Variants in RBMS3 observed in about 807,000 individuals in gnomAD.
RBMS3 encodes RNA-binding motif, single-stranded-interacting protein 3.
A neutral mutation model predicts 66.8 loss-of-function variants in RBMS3; 27 were observed. That is an observed-to-expected ratio of 0.40 (90% CI 0.30 to 0.56). The LOEUF (loss-of-function observed/expected upper bound fraction) is 0.56. Among genes scored for constraint, RBMS3 ranks in the 20% least tolerant of loss-of-function variants. The pLI, the probability that RBMS3 is intolerant of heterozygous loss-of-function variation, is 0.40. For synonymous variants in RBMS3, 188 were observed against 183.0 expected (o/e 1.03, Z -0.22); for missense variants, 513 against 549.5 (o/e 0.93, Z 0.66).
intron 1 of RBMS3, among the ~76,000 whole-genome samples, chr3:29,388,811 G>A (rs987199752): frequency 9.2e-5 from 14 of 152,110 alleles, no homozygotes; most frequent in African/African-American, 2.9e-4. Context: ...TGATCCGCCC[G>A]CCTTGGCCTC....
chr3:29,763,579 G>A (rs1160173997), intron 6 of RBMS3, among the ~76,000 whole-genome samples: 1 of 151,938 alleles, frequency 6.6e-6, no homozygotes, highest in East Asian at 1.9e-4. Context: ...CTATCCCAGG[G>A]CATTTCACAC....
At chr3:29,529,769 A>T (rs1419005250) in intron 3 of RBMS3, among the ~76,000 whole-genome samples, 2 of 152,202 alleles carry the variant, frequency 1.3e-5, no homozygotes, top group African/African-American at 2.4e-5. Flanking sequence ...TATTCTGTGA[A>T]CTGGAAGCAA....
At chr3:29,783,931 A>G (rs2149414559) in intron 6 of RBMS3, among the ~76,000 whole-genome samples, 1 of 152,302 alleles carries the variant, frequency 6.6e-6, no homozygotes, top group Middle Eastern at 3.4e-3. Context: ...TTAAAGCAGC[A>G]GCAGTTAAAA....
At chr3:29,688,377 G>A (rs2051827002) in intron 4 of RBMS3, among the ~76,000 whole-genome samples, 2 of 151,948 alleles carry the variant, frequency 1.3e-5, no homozygotes, top group African/African-American at 4.8e-5. Context: ...TTAGAAGAGG[G>A]CAAAGACAGG....
intron 5 of RBMS3, among the ~76,000 whole-genome samples, chr3:29,751,294 C>A (rs1203039346): frequency 6.6e-6 from 1 of 152,034 alleles, no homozygotes; most frequent in Admixed American, 6.6e-5. Context: ...ACATTATGAC[C>A]AAATCTGTCC....
intron 6 of RBMS3, among the ~76,000 whole-genome samples, chr3:29,862,219 G>C (rs2059233131): frequency 6.6e-6 from 1 of 152,112 alleles, no homozygotes; most frequent in Admixed American, 6.5e-5. Flanking sequence ...TTAAAATATA[G>C]ATTTTGATAT....
In RBMS3 at chr3:29,814,318, C is replaced by G. The variant is rs1187214397; in HGVS notation, c.637+51329C>G. Among the ~76,000 whole-genome samples, 5 of 152,198 alleles carry G rather than the reference C, an allele frequency of 3.3e-5. No homozygotes were observed. The East Asian group carries it at 9.6e-4, about 29-fold the overall frequency. On this transcript the variant is annotated intron_variant, in intron 6 of 14. Coordinates refer to ENST00000383767, the MANE Select transcript of RBMS3 (RefSeq NM_001003793.3). ...GCGTGTATTGAACCAGCCTTGCATC[C>G]CAGGGATGAAGCCCACTCGATCATG... is the stretch of plus-strand genomic sequence containing the variant.
intron 1 of RBMS3, among the ~76,000 whole-genome samples, chr3:29,350,599 C>T (rs2036853085): frequency 6.6e-6 from 1 of 152,062 alleles, no homozygotes; most frequent in Non-Finnish European, 1.5e-5. Flanking sequence ...GAACTAAGCT[C>T]CCTCTCTCCT....
At chr3:29,682,092 T>G (rs1279773896) in intron 4 of RBMS3, among the ~76,000 whole-genome samples, 1 of 152,204 alleles carries the variant, frequency 6.6e-6, no homozygotes, top group Non-Finnish European at 1.5e-5. Context: ...CAACTTTCTT[T>G]GTGCTCACCA....
chr3:29,359,448 C>T (rs2037429071), intron 1 of RBMS3, among the ~76,000 whole-genome samples: 1 of 152,122 alleles, frequency 6.6e-6, no homozygotes, highest in Non-Finnish European at 1.5e-5. Context: ...TTCGGTTTGC[C>T]AGTATTTTAT....
At chr3:29,897,506 T>C (rs1380917795) in intron 9 of RBMS3, 31 bp downstream of exon 9, 8 of 1,579,884 alleles carry the variant, frequency 5.1e-6, no homozygotes, top group Non-Finnish European at 6.1e-6. Context: ...CCTTAGGAGA[T>C]ATCTTTCTTG....
At chr3:29,323,796 C>A (rs566149660) in intron 1 of RBMS3, among the ~76,000 whole-genome samples, 2 of 151,196 alleles carry the variant, frequency 1.3e-5, no homozygotes, top group South Asian at 4.2e-4. Flanking sequence ...TAATTCACAC[C>A]CCTTCTTATT....
chr3:29,969,751 T>TG (rs1260441453), intron 12 of RBMS3, among the ~76,000 whole-genome samples: 1 of 152,120 alleles, frequency 6.6e-6, no homozygotes, highest in South Asian at 2.1e-4. Context: ...GGTAGTGAAA[T>TG]GGGGGTCATA....
At chr3:29,791,429 A>G (rs921050510) in intron 6 of RBMS3, among the ~76,000 whole-genome samples, 4 of 152,238 alleles carry the variant, frequency 2.6e-5, no homozygotes, top group Non-Finnish European at 5.9e-5. Flanking sequence ...AAAAGCAACA[A>G]ATGATAAAAA....
chr3:29,433,586 C>T (rs565926626), intron 1 of RBMS3, among the ~76,000 whole-genome samples: 2 of 152,200 alleles, frequency 1.3e-5, no homozygotes, highest in East Asian at 1.9e-4. Context: ...CCGTTATTAT[C>T]TCCTTCGTAT....
chr3:29,700,926 A>G (rs893739032), intron 4 of RBMS3, among the ~76,000 whole-genome samples: 2 of 152,184 alleles, frequency 1.3e-5, no homozygotes, highest in African/African-American at 4.8e-5. Flanking sequence ...CTTTTTAGAA[A>G]GGTGAAGAAG....
intron 5 of RBMS3, among the ~76,000 whole-genome samples, chr3:29,744,715 T>G (rs2054800714): frequency 6.8e-6 from 1 of 148,144 alleles, no homozygotes; most frequent in Non-Finnish European, 1.5e-5. Context: ...ACCTGGGAGG[T>G]AGAGGTTGCA....
At chr3:29,716,480 T>A (rs1440933781) in intron 4 of RBMS3, among the ~76,000 whole-genome samples, 1 of 152,180 alleles carries the variant, frequency 6.6e-6, no homozygotes, top group Admixed American at 6.5e-5. Context: ...GAGGATATTC[T>A]TTGTGCCACC....
intron 1 of RBMS3, among the ~76,000 whole-genome samples, chr3:29,426,678 T>C (rs527821112): frequency 4.6e-5 from 7 of 152,220 alleles, no homozygotes; most frequent in Non-Finnish European, 1.0e-4. Flanking sequence ...ACCACGGTTC[T>C]AATGACATAA....
Sources: gnomAD v4.1 joint callset for allele counts (sites outside exome capture counted in the v4.1 genomes callset) on GRCh38, gnomAD v4.1.1 for gene constraint, MANE v1.5 for transcripts, NCBI Gene and HGNC (gene_info 2026-07-23, HGNC 2026-07-21) for gene names.